Variants in SEC31A observed in about 807,000 individuals in gnomAD.
SEC31A encodes the protein protein transport protein Sec31A.
Under a neutral mutation model 151.0 loss-of-function variants are expected in SEC31A, and 70 were observed. The ratio of observed to expected loss-of-function variants is 0.46; its 90% CI spans 0.38 to 0.57. The LOEUF is 0.57. SEC31A is among the 20% of genes least tolerant of loss of function. SEC31A has a pLI of 0.00. For missense variants in SEC31A, 1,330 were observed against 1,471.2 expected, an observed-to-expected ratio of 0.90 and a Z score of 1.57; for synonymous variants, 475 against 505.9, an observed-to-expected ratio of 0.94 and a Z score of 0.82.
At position 82,866,817 on chromosome 4, in the gene SEC31A, A is replaced by G; in HGVS notation, c.1188T>C (p.Ala396=). 1 of 1,598,280 alleles carries G rather than the reference A, an allele frequency of 6.3e-7. No homozygotes were observed. The highest frequency in any genetic ancestry group is 8.5e-7 in the Non-Finnish European group (1 of 1,176,022). Residue 396 remains alanine, a synonymous_variant, in exon 10 of 27, where the codon GCT becomes GCC. Transcript: ENST00000395310. The part of the protein sequence containing the change: ...PPKWIRRPVG[A]SFSFGGKLVT... ...AACAAAATCCACCTACTGAAAAAGA[A>G]GCACCAACAGGCCTTCGAATCCACT...
rs762396349 is a variant in SEC31A at position 82,819,246 on chromosome 4, G to C, written c.3491C>G (p.Pro1164Arg). The C allele has an allele frequency of 1.9e-6, 3 of 1,563,728 alleles. No homozygotes were observed. Among genetic ancestry groups the C allele is most frequent in the Non-Finnish European group, 1.7e-6 (2 of 1,156,582 alleles). Reference sequence around the variant, plus strand: ...GTTGTGTAAACCACTGGTGATTGTTGGTGAAAGCTGAAACAAAAGTGAACC... The same window carrying C: ...GTTGTGTAAACCACTGGTGATTGTTCGTGAAAGCTGAAACAAAAGTGAACC... ...YDKLREQTLS[P>R]TITSGLHNIA... Residue 1164 changes from proline to arginine, a missense_variant, in exon 27 of 27, where the codon CCA becomes CGA. By Grantham distance (103) the Pro-to-Arg change is moderately radical (BLOSUM62 -2). Coordinates refer to ENST00000395310, the MANE Select transcript of SEC31A (RefSeq NM_001077207.4).
intron 7 of SEC31A, 143 bp from the exon 8 acceptor site, chr4:82,870,567 T>C: frequency 1.5e-6 from 1 of 648,508 alleles, no homozygotes; most frequent in Non-Finnish European, 2.6e-6. Flanking sequence ...GCGCATTGGC[T>C]CACACCTGTA....
intron 22 of SEC31A, among the ~76,000 whole-genome samples, chr4:82,838,053 T>A (rs1388532353): frequency 6.6e-6 from 1 of 152,116 alleles, no homozygotes; most frequent in African/African-American, 2.4e-5. Context: ...AAATGAAAAT[T>A]TAGAAAGACA....
In SEC31A at chr4:82,864,478, T is replaced by C; in HGVS notation, c.1318A>G (p.Ser440Gly). The stretch of plus-strand genomic sequence containing the variant: ...GCCTGCTGAAGTTGGTCTGATCGGC[T>C]GAGGAACTCCTTTTCTGTTACAACC... ...SQVVTEKEFLSRSDQLQQAVQ... is the reference protein window; with the variant it reads ...SQVVTEKEFLGRSDQLQQAVQ... The change falls in exon 11 of 27, where the codon AGC (serine) becomes GGC (glycine). Residue 440 changes from serine to glycine, a missense_variant. Coordinates refer to ENST00000395310, the MANE Select transcript of SEC31A (RefSeq NM_001077207.4). 1 of 1,614,190 alleles carries C rather than the reference T, an allele frequency of 6.2e-7. No individual in the cohort carries two copies. The highest frequency in any genetic ancestry group is 8.5e-7 in the Non-Finnish European group (1 of 1,180,028).
intron 22 of SEC31A, among the ~76,000 whole-genome samples, chr4:82,839,125 C>T (rs544838934): frequency 1.1e-3 from 162 of 151,996 alleles, no homozygotes; most frequent in Non-Finnish European, 1.9e-3. Flanking sequence ...TGTAGGCGCC[C>T]GCCACCACGT....
chr4:82,852,621 C>T (rs2149368888), intron 18 of SEC31A, among the ~76,000 whole-genome samples: 1 of 152,276 alleles, frequency 6.6e-6, no homozygotes, highest in South Asian at 2.1e-4. Flanking sequence ...CTTTAAAGCA[C>T]TGACTCTGTT....
chr4:82,861,587 A>T (rs200821133), intron 14 of SEC31A, 44 bp downstream of exon 14: 3 of 1,300,822 alleles, frequency 2.3e-6, no homozygotes, highest in Admixed American at 4.1e-5. Context: ...AGATACACAA[A>T]TATCACAAAT....
Position 82,880,657 on chromosome 4 carries a change from C to G in SEC31A, c.203+142G>C, listed in dbSNP as rs1015584617. 5 of 676,410 alleles carry G rather than the reference C, an allele frequency of 7.4e-6. No individual in the cohort carries two copies. The African/African-American group carries it at 7.5e-5, about 10-fold the overall frequency. The allele number at this position is 676,410 out of a possible 1,614,324, so 41.9% of individuals were successfully genotyped here. ...CTACTTTTACTTCCATAAAAATTCA[C>G]TCACATGCTTTTTCACAAAATATTT... On this transcript the variant is annotated intron_variant, in intron 3 of 26. Transcript: ENST00000395310.
chr4:82,838,135 C>T (rs1276991141), intron 22 of SEC31A, among the ~76,000 whole-genome samples: 2 of 152,162 alleles, frequency 1.3e-5, no homozygotes, highest in Admixed American at 6.5e-5. Flanking sequence ...GGATATCATG[C>T]TTTCCTTTAC....
chr4:82,842,522 A>T (rs774133593), intron 21 of SEC31A, 41 bp from the exon 22 acceptor site: 190 of 1,473,536 alleles, frequency 1.3e-4, no homozygotes, highest in Non-Finnish European at 1.6e-4. Flanking sequence ...ATTAGTTACA[A>T]GTTTATTCAG....
At position 82,821,253 on chromosome 4, in the gene SEC31A, C is replaced by G. The variant is rs1206391229; in HGVS notation, c.3412-145G>C. ...AATGGAGGCAACTACAACTAAGAAACTTGAACAGATTATGGCCGGGCGTGG... is the reference window on the plus strand; with the variant it reads ...AATGGAGGCAACTACAACTAAGAAAGTTGAACAGATTATGGCCGGGCGTGG... On this transcript the variant is annotated intron_variant, in intron 25 of 26. Transcript: ENST00000395310. 14 of 671,260 alleles carry G rather than the reference C, an allele frequency of 2.1e-5. No individual in the cohort carries two copies. In the South Asian group the frequency reaches 2.5e-4, roughly 12 times the overall value. 41.6% of individuals were successfully genotyped at this position (671,260 alleles called of 1,614,324 possible).
intron 3 of SEC31A, among the ~76,000 whole-genome samples, chr4:82,897,059 G>A (rs1720094824): frequency 6.6e-6 from 1 of 152,106 alleles, no homozygotes; most frequent in East Asian, 1.9e-4. Context: ...AATCTTTTGA[G>A]TCTTCTTGTT....
intron 22 of SEC31A, among the ~76,000 whole-genome samples, chr4:82,832,235 G>A (rs1726109404): frequency 6.6e-6 from 1 of 152,112 alleles, no homozygotes; most frequent in Non-Finnish European, 1.5e-5. Context: ...ACAGAACGGA[G>A]GCCTCAGAAA....
intron 22 of SEC31A, among the ~76,000 whole-genome samples, chr4:82,833,865 G>A (rs1726597516): frequency 6.6e-6 from 1 of 152,158 alleles, no homozygotes; most frequent in South Asian, 2.1e-4. Flanking sequence ...AATTTAGTTT[G>A]GACTCTACTC....
chr4:82,844,546 G>C, intron 20 of SEC31A, 37 bp from the exon 21 acceptor site: 1 of 1,599,734 alleles, frequency 6.3e-7, no homozygotes, highest in South Asian at 1.1e-5. Flanking sequence ...GCGGATACAA[G>C]TAGAACCAGG....
intron 1 of SEC31A, 113 bp downstream of exon 1, chr4:82,890,975 C>T: frequency 6.7e-7 from 1 of 1,482,326 alleles, no homozygotes; most frequent in East Asian, 2.6e-5. Flanking sequence ...GAGACCGGGC[C>T]TCAGGCTGGT....
chr4:82,890,843 CG>C, intron 1 of SEC31A: 1 of 1,332,700 alleles, frequency 7.5e-7, no homozygotes, highest in Non-Finnish European at 9.6e-7. Flanking sequence ...TCGCCAGCCT[CG>C]GGTGGCTTTT....
intron 6 of SEC31A, 44 bp downstream of exon 6, chr4:82,874,567 A>C (rs1737502436): frequency 6.5e-7 from 1 of 1,536,960 alleles, no homozygotes; most frequent in African/African-American, 1.4e-5. Context: ...GAATACCTAC[A>C]GCAGAAATAC....
intron 3 of SEC31A, among the ~76,000 whole-genome samples, chr4:82,880,171 G>A (rs1738950495): frequency 6.9e-6 from 1 of 144,866 alleles, no homozygotes; most frequent in South Asian, 2.2e-4. Context: ...CAACAAGAGT[G>A]AAACTCCATC....
Sources: allele counts gnomAD v4.1 joint callset (sites outside exome capture counted in the v4.1 genomes callset), GRCh38; gene constraint gnomAD v4.1.1; transcripts MANE v1.5; gene names NCBI Gene and HGNC (gene_info 2026-07-23, HGNC 2026-07-21).